Variants in ADGB observed in about 807,000 individuals in gnomAD.
The protein encoded by ADGB is androglobin, also known as calpain-7-like protein.
A neutral mutation model predicts 210.5 loss-of-function variants in ADGB; 172 were observed. The ratio of observed to expected loss-of-function variants is 0.82; its 90% CI spans 0.72 to 0.93. The LOEUF is 0.93. ADGB is among the 40% of genes least tolerant of loss of function. The pLI is 0.00. For synonymous variants in ADGB, 658 were observed against 662.7 expected (o/e 0.99, Z 0.11); for missense variants, 2,025 against 1,964.8 (o/e 1.03, Z -0.58).
chr6:146,657,523 A>G (rs73785197), intron 5 of ADGB, among the ~76,000 whole-genome samples: 1 of 152,184 alleles, frequency 6.6e-6, no homozygotes, highest in Non-Finnish European at 1.5e-5. Context: ...TGTCAGTCCC[A>G]TGGGCACTTT....
intron 28 of ADGB, among the ~76,000 whole-genome samples, chr6:146,767,184 C>T (rs1276799827): frequency 1.3e-5 from 2 of 152,070 alleles, no homozygotes; most frequent in African/African-American, 2.4e-5. Flanking sequence ...AGAATGCTTG[C>T]TATAATTGTT....
Position 146,733,908 on chromosome 6 carries a change from T to C in ADGB, c.2672T>C (p.Val891Ala). ...CCCTTTCCAGTGGAATGGCTGGACG[T>C]TAAATATTGTATGCCCACAAGTGAT... The part of the protein sequence containing the change: ...EEVSLVEWLD[V>A]KYCMPTSDKE... Residue 891 changes from valine to alanine, a missense_variant, in exon 22 of 36, where the codon GTT (valine) becomes GCT (alanine). Physicochemically the swap from Val to Ala is moderately conservative, Grantham distance 64. Coordinates refer to ENST00000397944, the MANE Select transcript of ADGB (RefSeq NM_024694.4). 6.4e-7 allele frequency: 1 copy of C among 1,551,620 alleles called. No individual in the cohort carries two copies.
intron 17 of ADGB, among the ~76,000 whole-genome samples, chr6:146,721,923 C>T (rs1321200707): frequency 6.6e-6 from 1 of 151,896 alleles, no homozygotes; most frequent in Non-Finnish European, 1.5e-5. Context: ...CTCCAGAGTC[C>T]CACAGGACCA....
intron 2 of ADGB, among the ~76,000 whole-genome samples, chr6:146,643,844 A>G (rs1011207827): frequency 3.9e-5 from 6 of 152,046 alleles, no homozygotes; most frequent in African/African-American, 1.4e-4. Context: ...TTGATACCTG[A>G]AACAACTTGG....
intron 7 of ADGB, among the ~76,000 whole-genome samples, chr6:146,669,970 G>GA (rs951993879): frequency 4.3e-4 from 66 of 151,894 alleles, no homozygotes; most frequent in Non-Finnish European, 7.7e-4. Context: ...TCAAGCTAAA[G>GA]AAAAAAACTA....
At chr6:146,804,271 A>G (rs1195880578) in intron 35 of ADGB, among the ~76,000 whole-genome samples, 1 of 152,094 alleles carries the variant, frequency 6.6e-6, no homozygotes, top group Non-Finnish European at 1.5e-5. Context: ...ACACACGCAC[A>G]CACTCCTACA....
In ADGB at chr6:146,724,604, A is replaced by G. The variant is rs1353871683; in HGVS notation, c.2237+277A>G. ...ACTGCTTGAGCTTGTTTAACCCAGCATTTTCTAAAATTAATTTATAAATAT... is the reference window on the plus strand; with the variant it reads ...ACTGCTTGAGCTTGTTTAACCCAGCGTTTTCTAAAATTAATTTATAAATAT... On this transcript the variant is annotated intron_variant, in intron 18 of 35. Coordinates refer to ENST00000397944, the MANE Select transcript of ADGB (RefSeq NM_024694.4). 2.4e-5 allele frequency: 5 copies of G among 208,238 alleles called. No individual in the cohort carries two copies. The East Asian group carries it at 5.1e-4, about 21-fold the overall frequency. 12.9% of individuals were successfully genotyped at this position (208,238 alleles called of 1,614,324 possible).
chr6:146,664,743 T>G (rs1472814624), intron 6 of ADGB, among the ~76,000 whole-genome samples: 2 of 152,108 alleles, frequency 1.3e-5, no homozygotes, highest in Non-Finnish European at 2.9e-5. Context: ...AATAATTTAC[T>G]AATCTTGAAA....
chr6:146,649,677 G>C (rs991072262), intron 3 of ADGB, among the ~76,000 whole-genome samples: 44 of 151,888 alleles, frequency 2.9e-4, no homozygotes, highest in African/African-American at 9.6e-4. Context: ...TTTTTGTAGA[G>C]ACAGAATTTT....
At chr6:146,612,251 CT>C (rs1279468877) in intron 1 of ADGB, among the ~76,000 whole-genome samples, 1 of 151,986 alleles carries the variant, frequency 6.6e-6, no homozygotes, top group African/African-American at 2.4e-5. Context: ...AACAATTATT[CT>C]TTATTTAAGA....
chr6:146,664,169 A>G (rs1187881256), intron 5 of ADGB, 32 bp from the exon 6 acceptor site: 1 of 1,523,164 alleles, frequency 6.6e-7, no homozygotes, highest in Non-Finnish European at 8.8e-7. Flanking sequence ...TAAGCCATTG[A>G]TGGTATTACA....
intron 27 of ADGB, among the ~76,000 whole-genome samples, chr6:146,753,534 T>C (rs914927085): frequency 6.6e-6 from 1 of 151,980 alleles, no homozygotes; most frequent in African/African-American, 2.4e-5. Context: ...TTGGGACATT[T>C]ATCATTAATT....
chr6:146,756,260 T>C (rs1340100317), intron 27 of ADGB, among the ~76,000 whole-genome samples: 1 of 152,130 alleles, frequency 6.6e-6, no homozygotes, highest in Non-Finnish European at 1.5e-5. Context: ...AGGCACTCAG[T>C]CTATAATACA....
chr6:146,627,194 T>C (rs1780986127), intron 1 of ADGB, among the ~76,000 whole-genome samples: 1 of 83,250 alleles, frequency 1.2e-5, no homozygotes, highest in South Asian at 3.2e-4. Context: ...CAACCGAATA[T>C]AATAACTATA....
chr6:146,764,845 G>T (rs1362329480), intron 28 of ADGB, among the ~76,000 whole-genome samples: 1 of 152,150 alleles, frequency 6.6e-6, no homozygotes, highest in Non-Finnish European at 1.5e-5. Flanking sequence ...TGTTGCCCAG[G>T]CTGGAGTGCA....
intron 2 of ADGB, among the ~76,000 whole-genome samples, chr6:146,641,540 C>G (rs1221591214): frequency 6.6e-6 from 1 of 151,568 alleles, no homozygotes; most frequent in East Asian, 1.9e-4. Context: ...CAGCATGGTA[C>G]TGATATGAAA....
At chr6:146,690,153 T>G (rs1776282770) in intron 10 of ADGB, among the ~76,000 whole-genome samples, 1 of 152,120 alleles carries the variant, frequency 6.6e-6, no homozygotes, top group Admixed American at 6.6e-5. Flanking sequence ...CGGGGCAGAT[T>G]GAGCTCTACA....
chr6:146,638,632 A>C (rs2114862436), intron 2 of ADGB, among the ~76,000 whole-genome samples: 1 of 146,662 alleles, frequency 6.8e-6, no homozygotes, highest in Non-Finnish European at 1.5e-5. Flanking sequence ...GAGGGATAGC[A>C]TTTGGAGATA....
At chr6:146,673,197 T>A (rs186750424) in intron 8 of ADGB, among the ~76,000 whole-genome samples, 13 of 152,338 alleles carry the variant, frequency 8.5e-5, no homozygotes, top group Non-Finnish European at 1.8e-4. Flanking sequence ...GAAAGCATAC[T>A]TTTTAGGGGC....
Sources: gnomAD v4.1 joint callset for allele counts (sites outside exome capture counted in the v4.1 genomes callset) on GRCh38, gnomAD v4.1.1 for gene constraint, MANE v1.5 for transcripts, NCBI Gene and HGNC (gene_info 2026-07-23, HGNC 2026-07-21) for gene names.